Variants in FMNL2 observed in about 807,000 individuals in gnomAD.
FMNL2 encodes the protein formin like 2.
Under a neutral mutation model 130.2 loss-of-function variants are expected in FMNL2, and 51 were observed. That is an observed-to-expected ratio of 0.39 (90% CI 0.31 to 0.49). The LOEUF (loss-of-function observed/expected upper bound fraction) is 0.49. Among genes scored for constraint, FMNL2 ranks in the 20% least tolerant of loss-of-function variants. FMNL2 has a pLI of 0.85. For missense variants in FMNL2, 977 were observed against 1,316.2 expected (o/e 0.74, Z 3.99); for synonymous variants, 465 against 467.1 (o/e 1.00, Z 0.06).
chr2:152,386,380 C>A (rs866221503), intron 1 of FMNL2, among the ~76,000 whole-genome samples: 8 of 152,182 alleles, frequency 5.3e-5, no homozygotes, highest in African/African-American at 1.9e-4. Context: ...AAGGGAATTT[C>A]TGCTGTTGCC....
chr2:152,544,819 T>A (rs1302647190), intron 3 of FMNL2, among the ~76,000 whole-genome samples: 1 of 152,126 alleles, frequency 6.6e-6, no homozygotes, highest in African/African-American at 2.4e-5. Flanking sequence ...AAGGAAGAGG[T>A]GGGCTTCCTC....
intron 9 of FMNL2, among the ~76,000 whole-genome samples, chr2:152,587,443 A>G (rs566916750): frequency 2.3e-4 from 35 of 152,254 alleles, no homozygotes; most frequent in African/African-American, 7.0e-4. Context: ...CAAAATGTTT[A>G]TTGTTATTCG....
chr2:152,520,051 G>GA (rs1301854900), intron 1 of FMNL2, among the ~76,000 whole-genome samples: 8 of 152,130 alleles, frequency 5.3e-5, no homozygotes, highest in African/African-American at 1.9e-4. Flanking sequence ...AGATACACAT[G>GA]AAATTCTCCT....
At chr2:152,364,703 A>G (rs1683412529) in intron 1 of FMNL2, among the ~76,000 whole-genome samples, 1 of 152,188 alleles carries the variant, frequency 6.6e-6, no homozygotes, top group African/African-American at 2.4e-5. Flanking sequence ...ATCTTACATA[A>G]ATAAGTTTCC....
At chr2:152,585,826 T>A (rs1697038774) in intron 9 of FMNL2, among the ~76,000 whole-genome samples, 1 of 151,964 alleles carries the variant, frequency 6.6e-6, no homozygotes, top group African/African-American at 2.4e-5. Context: ...GCTCTTGCTC[T>A]CAACTTTTTC....
At chr2:152,519,375 C>T (rs1238162305) in intron 1 of FMNL2, among the ~76,000 whole-genome samples, 1 of 152,146 alleles carries the variant, frequency 6.6e-6, no homozygotes, top group Non-Finnish European at 1.5e-5. Flanking sequence ...AGGGGCAGTG[C>T]TCCATAAACA....
intron 1 of FMNL2, among the ~76,000 whole-genome samples, chr2:152,451,488 A>G (rs936079869): frequency 3.3e-5 from 5 of 151,998 alleles, no homozygotes; most frequent in African/African-American, 1.2e-4. Flanking sequence ...TGAGGGGTCC[A>G]TGCTAATTGG....
intron 1 of FMNL2, among the ~76,000 whole-genome samples, chr2:152,394,374 TC>T (rs1252138622): frequency 6.6e-6 from 1 of 152,196 alleles, no homozygotes; most frequent in East Asian, 1.9e-4. Context: ...TTTTGAATCC[TC>T]CTGGTTAGTA....
In FMNL2 at chr2:152,375,873, C is replaced by CTA. The variant is rs1235599536; in HGVS notation, c.117+40154_117+40155insAT. 5.3e-3 allele frequency among the ~76,000 whole-genome samples: 606 copies of CTA among 113,766 alleles called. 8 individuals are homozygous for CTA. The highest frequency in any genetic ancestry group is 0.017 in the African/African-American group (514 of 30,476). 74.6% of individuals were successfully genotyped at this position (113,766 alleles called of 152,430 possible). A position where few individuals can be genotyped will look rare whatever the true frequency, so the allele number is the denominator to read the frequency against. On this transcript the variant is annotated intron_variant, in intron 1 of 25. Coordinates refer to ENST00000288670, the MANE Select transcript of FMNL2 (RefSeq NM_052905.4). ...AAGCTCTCTCTCTCTCTCTCTCTCT[C>CTA]TCTCTATATATATATATATATATAA...
chr2:152,453,424 G>A (rs1688765894), intron 1 of FMNL2, among the ~76,000 whole-genome samples: 2 of 152,174 alleles, frequency 1.3e-5, no homozygotes, highest in African/African-American at 2.4e-5. Context: ...CACTTGGTGG[G>A]GAAGGGAGGG....
intron 1 of FMNL2, among the ~76,000 whole-genome samples, chr2:152,375,355 G>C (rs1684094065): frequency 6.6e-6 from 1 of 152,170 alleles, no homozygotes; most frequent in Non-Finnish European, 1.5e-5. Flanking sequence ...CCTGGAGTAG[G>C]GCCCTGCCAA....
intron 9 of FMNL2, among the ~76,000 whole-genome samples, chr2:152,590,392 C>T (rs1325505340): frequency 3.9e-5 from 6 of 152,092 alleles, no homozygotes; most frequent in East Asian, 1.9e-4. Context: ...CCAAGGCAGG[C>T]GGATCACCTG....
chr2:152,384,444 G>A (rs2105906113), intron 1 of FMNL2, among the ~76,000 whole-genome samples: 1 of 152,314 alleles, frequency 6.6e-6, no homozygotes, highest in Non-Finnish European at 1.5e-5. Context: ...ATAGGGGCTA[G>A]GCCATGGAAT....
intron 15 of FMNL2, among the ~76,000 whole-genome samples, chr2:152,620,186 C>T (rs887914944): frequency 2.0e-4 from 31 of 152,074 alleles, no homozygotes; most frequent in Middle Eastern, 3.4e-3. Context: ...AATTGCCTGA[C>T]GTAGGCTTCC....
intron 9 of FMNL2, among the ~76,000 whole-genome samples, chr2:152,599,089 C>T (rs988804793): frequency 5.3e-5 from 8 of 152,210 alleles, no homozygotes; most frequent in African/African-American, 1.9e-4. Context: ...TCTTTTTGTT[C>T]TGTTTGGGCC....
Position 152,410,465 on chromosome 2 carries a change from A to G in FMNL2, c.117+74745A>G, listed in dbSNP as rs372952636. Among the ~76,000 whole-genome samples, 27 of 152,334 alleles carry G rather than the reference A, an allele frequency of 1.8e-4. No homozygotes were observed. In the East Asian group the frequency reaches 2.5e-3, roughly 14 times the overall value. ...CAGGAGAGGAAGTCTGTTCATGGTC[A>G]GAGTTCTTGCTGAGTCAATGTAGTA... is the stretch of plus-strand genomic sequence containing the variant. On this transcript the variant is annotated intron_variant, in intron 1 of 25. Coordinates refer to ENST00000288670, the MANE Select transcript of FMNL2 (RefSeq NM_052905.4).
At position 152,625,206 on chromosome 2, in the gene FMNL2, G is replaced by T. The variant is rs181279655; in HGVS notation, c.1838-232G>T. 1.1e-3 allele frequency: 458 copies of T among 435,748 alleles called. 2 individuals carry two copies. Among genetic ancestry groups the T allele is most frequent in the African/African-American group, 8.4e-3 (435 of 51,652 alleles). The allele number at this position is 435,748 out of a possible 1,614,324, so 27.0% of individuals were successfully genotyped here. ...AAAGAAAAAAAAAAATCAACCCTTG[G>T]CCCTTAAGACGTCTTTTAATACAAT... On this transcript the variant is annotated intron_variant, in intron 15 of 25. Transcript: ENST00000288670.
At chr2:152,396,982 C>G (rs1206609136) in intron 1 of FMNL2, among the ~76,000 whole-genome samples, 2 of 152,174 alleles carry the variant, frequency 1.3e-5, no homozygotes, top group African/African-American at 2.4e-5. Context: ...GTTCACTATT[C>G]CATGAATTTG....
intron 1 of FMNL2, among the ~76,000 whole-genome samples, chr2:152,489,281 C>G (rs1194099039): frequency 6.6e-6 from 1 of 152,250 alleles, no homozygotes; most frequent in African/African-American, 2.4e-5. Context: ...ACACCTATAA[C>G]AGGAAGGAAA....
Sources: gnomAD v4.1 joint callset for allele counts (sites outside exome capture counted in the v4.1 genomes callset) on GRCh38, gnomAD v4.1.1 for gene constraint, MANE v1.5 for transcripts, NCBI Gene and HGNC (gene_info 2026-07-23, HGNC 2026-07-21) for gene names.